GTPBP4: variants seen among roughly 807,000 people sequenced by gnomAD.
GTPBP4 encodes the protein GTP-binding protein 4.
Under a neutral mutation model 81.7 loss-of-function variants are expected in GTPBP4, and 15 were observed. That is an observed-to-expected ratio of 0.18 (90% CI 0.12 to 0.28). GTPBP4 has a LOEUF of 0.28. Among genes scored for constraint, GTPBP4 ranks in the 10% least tolerant of loss-of-function variants. The pLI, the probability that GTPBP4 is intolerant of heterozygous loss-of-function variation, is 1.00. For missense variants in GTPBP4, 847 were observed against 793.8 expected, an observed-to-expected ratio of 1.07 and a Z score of -0.81; for synonymous variants, 272 against 274.6, an observed-to-expected ratio of 0.99 and a Z score of 0.09.
chr10:998,831 C>T (rs1285933734), intron 5 of GTPBP4, among the ~76,000 whole-genome samples, 172 bp from the exon 6 acceptor site: 1 of 152,182 alleles, frequency 6.6e-6, no homozygotes, highest in Non-Finnish European at 1.5e-5. Context: ...TACCCCAGTC[C>T]TTGGCCTGGT....
intron 1 of GTPBP4, among the ~76,000 whole-genome samples, chr10:989,179 G>T (rs1404713226): frequency 1.4e-5 from 2 of 144,214 alleles, no homozygotes; most frequent in African/African-American, 5.2e-5. Flanking sequence ...CTGGAGCGCA[G>T]TCTCGGCTCA....
intron 11 of GTPBP4, 63 bp downstream of exon 11, chr10:1,009,098 G>A (rs1430622347): frequency 1.3e-5 from 17 of 1,260,884 alleles, no homozygotes; most frequent in South Asian, 2.4e-5. Flanking sequence ...TGTGCCCATC[G>A]TGGGGGCCTG....
rs1831380265 is a variant in GTPBP4 at position 988,485 on chromosome 10, A to G, written c.6A>G (p.Ala2=). 2 of 1,613,162 alleles carry G rather than the reference A, an allele frequency of 1.2e-6. No homozygotes were observed. Among genetic ancestry groups the G allele is most frequent in the South Asian group, 1.1e-5 (1 of 91,070 alleles). The change falls in exon 1 of 17, where the codon GCA becomes GCG. Residue 2 remains alanine, a synonymous_variant. Transcript: ENST00000360803. ...GCGTGCATACGGCTGCCGGCATGGC[A>G]CATTACAACTTCAAGAAAATTACGG... The part of the protein sequence containing the change: M[A]HYNFKKITVV...
chr10:1,015,947 T>C (rs749214710), intron 16 of GTPBP4, 51 bp downstream of exon 16: 2 of 1,507,332 alleles, frequency 1.3e-6, no homozygotes, highest in Non-Finnish European at 1.8e-6. Context: ...CTGTTGTTTA[T>C]TGCACAGGGT....
intron 2 of GTPBP4, among the ~76,000 whole-genome samples, chr10:993,938 T>C (rs997986830): frequency 4.6e-5 from 7 of 151,854 alleles, no homozygotes; most frequent in Non-Finnish European, 8.8e-5. Context: ...TTTGTATTTT[T>C]AGTAGAGACA....
intron 6 of GTPBP4, among the ~76,000 whole-genome samples, chr10:999,946 C>T (rs549900994): frequency 7.2e-5 from 11 of 152,186 alleles, no homozygotes; most frequent in African/African-American, 2.2e-4. Context: ...GCGACAGGAG[C>T]GAAACTCTGT....
At position 1,012,455 on chromosome 10, in the gene GTPBP4, A is replaced by G. The variant is rs1300073440; in HGVS notation, c.1345-10A>G. 1.3e-6 allele frequency: 2 copies of G among 1,589,122 alleles called. No homozygotes were observed. The highest frequency in any genetic ancestry group is 1.8e-5 in the Admixed American group (1 of 56,394). ...GTTAATTTTGCTTCATTACAACTCCATTTTTAAAGAAATTGGAAGAATTAG... is the reference window on the plus strand; with the variant it reads ...GTTAATTTTGCTTCATTACAACTCCGTTTTTAAAGAAATTGGAAGAATTAG... On this transcript the variant is annotated splice_polypyrimidine_tract_variant and intron_variant, in intron 13 of 16. Transcript: ENST00000360803.
chr10:997,663 A>T (rs922460658), intron 5 of GTPBP4, among the ~76,000 whole-genome samples: 1 of 152,188 alleles, frequency 6.6e-6, no homozygotes, highest in Admixed American at 6.6e-5. Context: ...ATTTTTGTTG[A>T]CAACTGGGGA....
rs3207775 is a variant in GTPBP4, at chr10:1,014,278, G to A, written c.1574G>A (p.Arg525His). Residue 525 changes from arginine (R) to histidine (H), a missense_variant, in exon 15 of 17, where the codon CGT becomes CAT. Arg to His is a conservative substitution (Grantham distance 29, BLOSUM62 0). Around this residue, in one of 3 missense-constraint regions of GTPBP4, gnomAD observed 600 missense variants for 557.1 expected, o/e 1.08. Coordinates refer to ENST00000360803, the MANE Select transcript of GTPBP4 (RefSeq NM_012341.3). ...VQRTVLEKEM[R>H]SLGVDMDDKD... The stretch of plus-strand genomic sequence containing the variant: ...AGGACAGTTTTGGAGAAGGAGATGC[G>A]TAGTCTTGGTGTTGACATGGACGAT... 138,854 of 1,606,368 alleles carry A rather than the reference G, an allele frequency of 0.086. 6,919 individuals are homozygous for A. The highest frequency in any genetic ancestry group is 0.12 in the Middle Eastern group (752 of 6,046).
At chr10:989,143 A>G (rs1321102288) in intron 1 of GTPBP4, among the ~76,000 whole-genome samples, 3 of 128,950 alleles carry the variant, frequency 2.3e-5, no homozygotes, top group Admixed American at 8.4e-5. Context: ...TTTTTGAGAC[A>G]TAGTTTTTCG....
intron 1 of GTPBP4, among the ~76,000 whole-genome samples, chr10:991,309 T>G (rs1831437679): frequency 6.6e-6 from 1 of 152,194 alleles, no homozygotes; most frequent in African/African-American, 2.4e-5. Context: ...TTAATCAAAT[T>G]GTTGAATTAA....
chr10:1,000,280 C>T (rs1831602936), intron 6 of GTPBP4, among the ~76,000 whole-genome samples: 1 of 132,284 alleles, frequency 7.6e-6, no homozygotes, highest in Non-Finnish European at 1.5e-5. Flanking sequence ...CTCTGTCACC[C>T]AGGCTGGAGT....
intron 16 of GTPBP4, among the ~76,000 whole-genome samples, chr10:1,016,472 G>A (rs1301638317): frequency 6.6e-6 from 1 of 152,226 alleles, no homozygotes; most frequent in Admixed American, 6.5e-5. Context: ...GGAGATGCAG[G>A]AGAGTCTGTG....
Position 1,017,232 on chromosome 10 carries a change from C to T in GTPBP4, c.*5C>T, listed in dbSNP as rs375779373. The T allele has an allele frequency of 1.0e-4, 163 of 1,612,692 alleles. 1 individual carries two copies. In the East Asian group the frequency reaches 3.0e-3, roughly 29 times the overall value. ...GGTAAAAAGGACAGGAGATAGTATC[C>T]GTTTGGTTGGCGTGGCTTCGCTAGA... On this transcript the variant is annotated 3_prime_UTR_variant, in exon 17 of 17. Coordinates refer to ENST00000360803, the MANE Select transcript of GTPBP4 (RefSeq NM_012341.3).
chr10:1,010,819 C>G (rs1188108620), intron 13 of GTPBP4, among the ~76,000 whole-genome samples: 1 of 131,944 alleles, frequency 7.6e-6, no homozygotes, highest in East Asian at 2.2e-4. Context: ...CTGACTCTGC[C>G]TCCTGCACCT....
At chr10:1,011,965 A>G (rs1439664242) in intron 13 of GTPBP4, among the ~76,000 whole-genome samples, 2 of 152,228 alleles carry the variant, frequency 1.3e-5, no homozygotes, top group Non-Finnish European at 2.9e-5. Context: ...CATCTCGTAC[A>G]GGCACATCTG....
intron 1 of GTPBP4, chr10:988,994 C>G (rs188493628): frequency 6.3e-6 from 1 of 159,664 alleles, no homozygotes; most frequent in African/African-American, 2.4e-5. Flanking sequence ...TTAAGTCATT[C>G]TCTTTCACTG....
Position 1,019,902 on chromosome 10 carries a change from GAAAAT to G in GTPBP4, c.*2679_*2683del, listed in dbSNP as rs1278026481. 10 of 1,121,588 alleles carry G rather than the reference GAAAAT, an allele frequency of 8.9e-6. No homozygotes were observed. The highest frequency in any genetic ancestry group is 1.6e-5 in the African/African-American group (1 of 63,822). 69.5% of individuals were successfully genotyped at this position (1,121,588 alleles called of 1,614,324 possible). On this transcript the variant is annotated 3_prime_UTR_variant, in exon 17 of 17. Coordinates refer to ENST00000360803, the MANE Select transcript of GTPBP4 (RefSeq NM_012341.3). ...AACACAGAATTTACAGAAAAATAGA[GAAAAT>G]AAACACATTTGTTTTCCTCAGAAAA...
rs376760689 is a variant in GTPBP4, at chr10:1,015,527, C to T, written c.1609-226C>T. Among the ~76,000 whole-genome samples the T allele has an allele frequency of 9.6e-4, 45 of 46,768 alleles. 3 individuals are homozygous for T. Among genetic ancestry groups the T allele is most frequent in the African/African-American group, 2.3e-3 (29 of 12,538 alleles). The allele number at this position is 46,768 out of a possible 152,430, so 30.7% of individuals were successfully genotyped here. ...GGGTCCTGAGCTCTGAGCCTGGGAG[C>T]GGGGCTGGGGTCCTGAGCGCTGAGC... On this transcript the variant is annotated intron_variant, in intron 15 of 16. Transcript: ENST00000360803.
Sources: gnomAD v4.1 joint callset for allele counts (sites outside exome capture counted in the v4.1 genomes callset) on GRCh38, gnomAD v4.1.1 for gene constraint, gnomAD v4.1.1 regional missense constraint, MANE v1.5 for transcripts, NCBI Gene and HGNC (gene_info 2026-07-23, HGNC 2026-07-21) for gene names.